ANO4: variants seen among roughly 807,000 people sequenced by gnomAD.
ANO4 encodes anoctamin 4.
ANO4 carries 69 observed loss-of-function variants against 141.9 expected under a neutral mutation model. The observed-to-expected ratio is 0.49, with a 90% CI of 0.40 to 0.59. The LOEUF is 0.59. ANO4 is among the 20% of genes least tolerant of loss of function. ANO4 has a pLI of 0.00. For missense variants in ANO4, 894 were observed against 1,162.2 expected (o/e 0.77, Z 3.36); for synonymous variants, 350 against 394.3 (o/e 0.89, Z 1.33).
At chr12:100,985,488 A>C (rs552244688) in intron 7 of ANO4, among the ~76,000 whole-genome samples, 3 of 152,204 alleles carry the variant, frequency 2.0e-5, no homozygotes, top group Admixed American at 6.5e-5. Context: ...ACTGAGGCTC[A>C]GCAAAGTTAA....
intron 5 of ANO4, among the ~76,000 whole-genome samples, chr12:100,959,546 C>T (rs12821670): frequency 0.17 from 25,340 of 152,082 alleles, 2,427 homozygotes; most frequent in East Asian, 0.42. Flanking sequence ...GGGCTTTCTC[C>T]CTCACCATTT....
intron 1 of ANO4, among the ~76,000 whole-genome samples, chr12:100,814,782 G>C (rs2135715925): frequency 6.6e-6 from 1 of 152,176 alleles, no homozygotes; most frequent in Admixed American, 6.5e-5. Context: ...GTGGGAGAAG[G>C]GTACTCCATC....
intron 5 of ANO4, among the ~76,000 whole-genome samples, chr12:100,964,686 T>C (rs751160694): frequency 1.3e-5 from 2 of 152,146 alleles, no homozygotes; most frequent in African/African-American, 2.4e-5. Flanking sequence ...TATTTATGCC[T>C]CAGGGCCTTT....
At chr12:100,887,310 G>A (rs2039884434) in intron 1 of ANO4, among the ~76,000 whole-genome samples, 1 of 152,206 alleles carries the variant, frequency 6.6e-6, no homozygotes, top group Admixed American at 6.5e-5. Context: ...TAGGATTGCA[G>A]AGTATACTTT....
intron 2 of ANO4, among the ~76,000 whole-genome samples, chr12:100,919,130 TCA>T (rs1345585194): frequency 1.3e-5 from 2 of 151,812 alleles, no homozygotes; most frequent in East Asian, 3.8e-4. Flanking sequence ...CTTAGTGTTA[TCA>T]CAAAACAGTC....
At chr12:100,924,239 G>T (rs1378440119) in intron 3 of ANO4, among the ~76,000 whole-genome samples, 1 of 151,946 alleles carries the variant, frequency 6.6e-6, no homozygotes, top group South Asian at 2.1e-4. Flanking sequence ...GCATTTTCTT[G>T]TTAACTTTCT....
At chr12:100,793,571 G>GA (rs200580344), upstream of ANO4, among the ~76,000 whole-genome samples, 79 of 146,516 alleles carry the variant, frequency 5.4e-4, no homozygotes, top group African/African-American at 7.5e-4. Flanking sequence ...AAGTCACCTG[G>GA]AAAAAAAAAA....
chr12:100,814,411 A>T (rs2035612412), intron 1 of ANO4, among the ~76,000 whole-genome samples: 1 of 152,146 alleles, frequency 6.6e-6, no homozygotes. Context: ...TTAAGGGGCT[A>T]CAAGTTCATA....
At chr12:100,806,566 A>T (rs199727500) in intron 1 of ANO4, among the ~76,000 whole-genome samples, 1 of 25,538 alleles carries the variant, frequency 3.9e-5, no homozygotes, top group African/African-American at 1.5e-4. Context: ...TTTTTGTGAG[A>T]CAGAGTCTCG....
intron 2 of ANO4, among the ~76,000 whole-genome samples, chr12:100,910,203 G>C (rs2041038861): frequency 1.3e-5 from 2 of 152,128 alleles, no homozygotes; most frequent in Admixed American, 6.5e-5. Flanking sequence ...TTGGTGTTCA[G>C]TAATAAATGG....
intron 1 of ANO4, among the ~76,000 whole-genome samples, chr12:100,815,394 A>C (rs189643163): frequency 6.6e-6 from 1 of 152,302 alleles, no homozygotes; most frequent in Admixed American, 6.5e-5. Flanking sequence ...TTTGACACTG[A>C]TTGATGAGTA....
intron 8 of ANO4, among the ~76,000 whole-genome samples, chr12:101,003,262 G>A (rs925271818): frequency 2.0e-5 from 3 of 152,224 alleles, no homozygotes; most frequent in African/African-American, 2.4e-5. Flanking sequence ...TGCCTCACAT[G>A]ATTCCTTTAT....
At chr12:100,767,288 T>C (rs58143159) in intron 3 of ANO4, among the ~76,000 whole-genome samples, 32,632 of 152,124 alleles carry the variant, frequency 0.21, 4,012 homozygotes, top group African/African-American at 0.32. Context: ...CATTCTTCCT[T>C]TCTTAACTGT....
At chr12:100,899,516 G>A (rs2040492591) in intron 1 of ANO4, among the ~76,000 whole-genome samples, 2 of 152,202 alleles carry the variant, frequency 1.3e-5, no homozygotes. Flanking sequence ...CTTGAACTTA[G>A]TCTGTTTCTT....
chr12:100,919,146 A>G lies in ANO4; in HGVS notation c.56-3080A>G, dbSNP rs193079466. 1.7e-3 allele frequency among the ~76,000 whole-genome samples: 252 copies of G among 149,896 alleles called. 5 individuals carry two copies. The highest frequency in any genetic ancestry group is 1.5e-3 in the South Asian group (7 of 4,820). ...TTAGTGTTATCACAAAACAGTCAAA[A>G]GTTAAAAAAAATCTAAAAGGTTACA... On this transcript the variant is annotated intron_variant, in intron 2 of 27. Transcript: ENST00000392977.
chr12:100,958,277 G>A lies in ANO4; in HGVS notation c.457-13029G>A, dbSNP rs75778054. ...GTACCAGAGAATGCTCAGTGAGCCTGGTACTTTTGCTTCGTCCTCTCTATA... is the reference window on the plus strand; with the variant it reads ...GTACCAGAGAATGCTCAGTGAGCCTAGTACTTTTGCTTCGTCCTCTCTATA... On this transcript the variant is annotated intron_variant, in intron 5 of 27. Transcript: ENST00000392977. Among the ~76,000 whole-genome samples the A allele has an allele frequency of 2.0e-5, 3 of 152,272 alleles. No homozygotes were observed. In the East Asian group the frequency reaches 5.8e-4, roughly 29 times the overall value.
intron 13 of ANO4, among the ~76,000 whole-genome samples, chr12:101,044,997 A>T (rs796456664): frequency 1.3e-4 from 15 of 119,516 alleles, no homozygotes; most frequent in African/African-American, 1.8e-4. Flanking sequence ...TCAGAAGCCA[A>T]TTTTTTTTTT....
chr12:101,072,010 G>A (rs141975616), intron 14 of ANO4, among the ~76,000 whole-genome samples: 1,781 of 152,276 alleles, frequency 0.012, 12 homozygotes, highest in Non-Finnish European at 0.017. Flanking sequence ...TTTGCAGAAT[G>A]TTAACCATTG....
chr12:101,067,015 A>AG, intron 14 of ANO4: 1 of 580,126 alleles, frequency 1.7e-6, no homozygotes, highest in Admixed American at 3.0e-5. Flanking sequence ...AAAAAAAAAA[A>AG]AAGAAAGAAC....
Sources: gnomAD v4.1 joint callset for allele counts (sites outside exome capture counted in the v4.1 genomes callset) on GRCh38, gnomAD v4.1.1 for gene constraint, MANE v1.5 for transcripts, NCBI Gene and HGNC (gene_info 2026-07-23, HGNC 2026-07-21) for gene names.